APBA1: variants seen among roughly 807,000 people sequenced by gnomAD.
APBA1 encodes amyloid-beta A4 precursor protein-binding family A member 1.
Under a neutral mutation model 86.6 loss-of-function variants are expected in APBA1, and 55 were observed. The ratio of observed to expected loss-of-function variants is 0.64; its 90% CI spans 0.51 to 0.80. The LOEUF (loss-of-function observed/expected upper bound fraction) is 0.80. Among genes scored for constraint, APBA1 ranks in the 30% least tolerant of loss-of-function variants. The pLI, the probability that APBA1 is intolerant of heterozygous loss-of-function variation, is 0.00. For missense variants in APBA1, 1,090 were observed against 1,183.0 expected (o/e 0.92, Z 1.15); for synonymous variants, 511 against 493.9 (o/e 1.03, Z -0.46).
At chr9:69,444,341 C>T (rs1834873768) in intron 10 of APBA1, among the ~76,000 whole-genome samples, 1 of 152,202 alleles carries the variant, frequency 6.6e-6, no homozygotes, top group Non-Finnish European at 1.5e-5. Context: ...TGCGGCAGAT[C>T]CCATCGTCCC....
In APBA1 at chr9:69,456,322, G is replaced by T; in HGVS notation, c.1713C>A (p.Asn571Lys). The change falls in exon 8 of 13, where the codon AAC becomes AAA. Residue 571 changes from asparagine (N) to lysine (K), a missense_variant. Coordinates refer to ENST00000265381, the MANE Select transcript of APBA1 (RefSeq NM_001163.4). ...CCTGGGATGGGTGGGACGCTTCCAC[G>T]TTCTCCTGGGAGTTGGAGCGAGGCA... ...RRMPRSNSQE[N>K]VEASHPSQDG... The T allele has an allele frequency of 6.2e-7, 1 of 1,614,160 alleles. No homozygotes were observed. Among genetic ancestry groups the T allele is most frequent in the Non-Finnish European group, 8.5e-7 (1 of 1,180,008 alleles).
At chr9:69,497,053 C>G (rs1332768923) in intron 2 of APBA1, among the ~76,000 whole-genome samples, 6 of 152,112 alleles carry the variant, frequency 3.9e-5, no homozygotes, top group Non-Finnish European at 8.8e-5. Context: ...TAGAAAGCAT[C>G]TACCCAGTGT....
chr9:69,437,010 C>T (rs1311605852), intron 11 of APBA1, among the ~76,000 whole-genome samples: 2 of 151,996 alleles, frequency 1.3e-5, no homozygotes, highest in Admixed American at 1.3e-4. Context: ...TTGTCAAAGG[C>T]CTTTTCTGCA....
chr9:69,670,039 T>C (rs1175077792), intron 1 of APBA1, among the ~76,000 whole-genome samples: 1 of 152,196 alleles, frequency 6.6e-6, no homozygotes, highest in Non-Finnish European at 1.5e-5. Context: ...ACATTTGGCA[T>C]AACAAATAAG....
At position 69,665,805 on chromosome 9, in the gene APBA1, G is replaced by A. The variant is rs566483157; in HGVS notation, c.-70+6348C>T. Among the ~76,000 whole-genome samples the A allele has an allele frequency of 1.5e-4, 23 of 152,222 alleles. No homozygotes were observed. In the East Asian group the frequency reaches 2.1e-3, roughly 14 times the overall value. On this transcript the variant is annotated intron_variant, in intron 1 of 12. Coordinates refer to ENST00000265381, the MANE Select transcript of APBA1 (RefSeq NM_001163.4). ...ACGCTTTGTTTTCTGATGTGATCTC[G>A]GCTCACTGCAACCTCTGCCTCCCAG...
At chr9:69,456,119 G>C in intron 8 of APBA1, 128 bp downstream of exon 8, 5 of 1,071,322 alleles carry the variant, frequency 4.7e-6, no homozygotes, top group Non-Finnish European at 7.0e-6. Context: ...TCTAGTGCTG[G>C]AACAGTGCCT....
At chr9:69,592,502 G>A (rs1273268627) in intron 1 of APBA1, among the ~76,000 whole-genome samples, 3 of 152,176 alleles carry the variant, frequency 2.0e-5, no homozygotes, top group East Asian at 1.9e-4. Context: ...AGGCTGAGAC[G>A]GGTGGATCCC....
At chr9:69,543,289 C>G (rs879769111) in intron 1 of APBA1, among the ~76,000 whole-genome samples, 12 of 122,592 alleles carry the variant, frequency 9.8e-5, no homozygotes, top group South Asian at 2.7e-4. Flanking sequence ...CCCCCCCCCC[C>G]CCGGCCTGTC....
chr9:69,442,925 G>A (rs893936125), intron 10 of APBA1, among the ~76,000 whole-genome samples: 3 of 152,204 alleles, frequency 2.0e-5, no homozygotes, highest in Non-Finnish European at 4.4e-5. Context: ...TGGCAGAGGC[G>A]TGAAACTGGT....
chr9:69,486,122 T>C lies in APBA1; in HGVS notation c.1201-9979A>G, dbSNP rs144385381. 4.6e-5 allele frequency among the ~76,000 whole-genome samples: 7 copies of C among 152,140 alleles called. No individual in the cohort carries two copies. In the East Asian group the frequency reaches 1.4e-3, roughly 29 times the overall value. On this transcript the variant is annotated intron_variant, in intron 2 of 12. Transcript: ENST00000265381. ...GCACACCACCACACCCAGCTAATTT[T>C]TGTATTTTTGGTAGAGATGGGGTTT... is the stretch of plus-strand genomic sequence containing the variant.
At chr9:69,605,810 G>T (rs779851434) in intron 1 of APBA1, among the ~76,000 whole-genome samples, 8 of 152,212 alleles carry the variant, frequency 5.3e-5, no homozygotes, top group Non-Finnish European at 1.0e-4. Flanking sequence ...CTAGTTACAA[G>T]TTCCATGAGG....
chr9:69,456,019 A>G (rs1835089981), intron 8 of APBA1, among the ~76,000 whole-genome samples: 1 of 151,912 alleles, frequency 6.6e-6, no homozygotes, highest in East Asian at 1.9e-4. Flanking sequence ...CCACTACCCA[A>G]TTTTACATTA....
At chr9:69,620,774 T>C (rs1354637625) in intron 1 of APBA1, among the ~76,000 whole-genome samples, 1 of 152,214 alleles carries the variant, frequency 6.6e-6, no homozygotes, top group African/African-American at 2.4e-5. Context: ...TGCAGGGTCC[T>C]TTCCCAGTCA....
chr9:69,534,550 C>T (rs990367870), intron 1 of APBA1, among the ~76,000 whole-genome samples: 1 of 152,060 alleles, frequency 6.6e-6, no homozygotes, highest in Non-Finnish European at 1.5e-5. Flanking sequence ...CAGAAATGAC[C>T]TGCATTGGAT....
intron 1 of APBA1, among the ~76,000 whole-genome samples, chr9:69,554,704 AGAT>A (rs1320134435): frequency 6.6e-6 from 1 of 152,230 alleles, no homozygotes; most frequent in Non-Finnish European, 1.5e-5. Flanking sequence ...CTTAAAAATA[AGAT>A]TATTTTGAAT....
intron 5 of APBA1, among the ~76,000 whole-genome samples, chr9:69,466,004 C>G (rs1442687282): frequency 6.6e-6 from 1 of 152,192 alleles, no homozygotes; most frequent in East Asian, 1.9e-4. Flanking sequence ...ACAACAGTCA[C>G]TCTTGAGGCA....
At chr9:69,499,449 C>T in intron 2 of APBA1, among the ~76,000 whole-genome samples, 1 of 152,096 alleles carries the variant, frequency 6.6e-6, no homozygotes, top group Admixed American at 6.5e-5. Flanking sequence ...CAGAACTCTG[C>T]AAGGTGTAAT....
intron 8 of APBA1, among the ~76,000 whole-genome samples, chr9:69,453,161 AT>A (rs1835040767): frequency 6.6e-6 from 1 of 152,286 alleles, no homozygotes; most frequent in African/African-American, 2.4e-5. Flanking sequence ...TTTATATTAT[AT>A]TTATGGCCAC....
chr9:69,444,223 C>A (rs1184020267), intron 10 of APBA1, among the ~76,000 whole-genome samples: 1 of 152,232 alleles, frequency 6.6e-6, no homozygotes, highest in Non-Finnish European at 1.5e-5. Flanking sequence ...TTTGGAACAT[C>A]TCCAGGGAAC....
Sources: allele counts gnomAD v4.1 joint callset (sites outside exome capture counted in the v4.1 genomes callset), GRCh38; gene constraint gnomAD v4.1.1; transcripts MANE v1.5; gene names NCBI Gene and HGNC (gene_info 2026-07-23, HGNC 2026-07-21).